Variants in SLIT3 observed in about 807,000 individuals in gnomAD.
SLIT3 encodes the protein slit homolog 3 protein.
SLIT3 carries 68 observed loss-of-function variants against 184.0 expected under a neutral mutation model. That is an observed-to-expected ratio of 0.37 (90% CI 0.30 to 0.45). The LOEUF (loss-of-function observed/expected upper bound fraction) is 0.45. SLIT3 is among the 20% of genes least tolerant of loss of function. The probability of loss-of-function intolerance (pLI) is 1.00; values close to 1 mark genes in which losing one functional copy is unlikely to be tolerated. For synonymous variants in SLIT3, 831 were observed against 828.6 expected (o/e 1.00, Z -0.05); for missense variants, 1,707 against 2,026.0 (o/e 0.84, Z 3.02).
chr5:169,287,184 C>T (rs1408736377), intron 1 of SLIT3, among the ~76,000 whole-genome samples: 1 of 152,152 alleles, frequency 6.6e-6, no homozygotes, highest in African/African-American at 2.4e-5. Context: ...AAGCAACTGG[C>T]CTTCCCATTT....
intron 26 of SLIT3, among the ~76,000 whole-genome samples, chr5:168,704,096 T>TA (rs374173615): frequency 3.6e-4 from 52 of 145,134 alleles, no homozygotes; most frequent in Middle Eastern, 7.4e-3. Context: ...GGGAGCTGAT[T>TA]AAAAAAAAAA....
chr5:168,779,942 C>T lies in SLIT3; in HGVS notation c.1152-5564G>A, dbSNP rs188214846. On this transcript the variant is annotated intron_variant, in intron 12 of 35. Transcript: ENST00000519560. ...TTGAAAAGCCCCATGGGGAGAAGAT[C>T]GCTGAGCCCCACTGTTAGCTACTGC... is the stretch of plus-strand genomic sequence containing the variant. Among the ~76,000 whole-genome samples the T allele has an allele frequency of 6.2e-4, 94 of 152,332 alleles. No homozygotes were observed. The East Asian group carries it at 0.013, about 22-fold the overall frequency.
intron 4 of SLIT3, among the ~76,000 whole-genome samples, chr5:168,977,330 C>T (rs1195109959): frequency 6.6e-6 from 1 of 152,176 alleles, no homozygotes; most frequent in Non-Finnish European, 1.5e-5. Flanking sequence ...CAAGGTCAGA[C>T]TCCAGTGAGA....
At chr5:169,092,462 AC>A (rs1759629292) in intron 4 of SLIT3, among the ~76,000 whole-genome samples, 1 of 151,790 alleles carries the variant, frequency 6.6e-6, no homozygotes, top group Non-Finnish European at 1.5e-5. Flanking sequence ...ATTTCTTGCT[AC>A]CGAAGTCTCA....
At chr5:169,032,164 C>T (rs183650978) in intron 4 of SLIT3, among the ~76,000 whole-genome samples, 4 of 152,138 alleles carry the variant, frequency 2.6e-5, no homozygotes, top group Admixed American at 1.3e-4. Flanking sequence ...CAGTGAAAGT[C>T]GACTGTAAAT....
At position 168,722,923 on chromosome 5, in the gene SLIT3, G is replaced by T. The variant is rs778726331; in HGVS notation, c.2411+10C>A. On this transcript the variant is annotated intron_variant, in intron 22 of 35. Transcript: ENST00000519560. ...AGGGCATGGTAAACACAGCATCTCA[G>T]TGTACTCACAGAGTGGAGAGGTGAG... 6.2e-7 allele frequency: 1 copy of T among 1,601,718 alleles called. No homozygotes were observed. Among genetic ancestry groups the T allele is most frequent in the Non-Finnish European group, 8.6e-7 (1 of 1,168,624 alleles).
chr5:169,008,195 A>G (rs1756002368), intron 4 of SLIT3, among the ~76,000 whole-genome samples: 1 of 152,242 alleles, frequency 6.6e-6, no homozygotes, highest in African/African-American at 2.4e-5. Flanking sequence ...AAAAGAAATC[A>G]TCTCTGGGAG....
At chr5:169,007,118 T>G (rs1042633027) in intron 4 of SLIT3, among the ~76,000 whole-genome samples, 1 of 152,182 alleles carries the variant, frequency 6.6e-6, no homozygotes, top group Non-Finnish European at 1.5e-5. Flanking sequence ...CTGATGGTTT[T>G]ATAGGGCAGT....
chr5:168,767,860 C>T (rs1458091195), intron 14 of SLIT3, among the ~76,000 whole-genome samples: 1 of 152,168 alleles, frequency 6.6e-6, no homozygotes, highest in Non-Finnish European at 1.5e-5. Flanking sequence ...GAAGAAGAGA[C>T]ACAGTAGTTT....
chr5:168,853,530 C>G (rs1379193097), intron 5 of SLIT3, among the ~76,000 whole-genome samples: 3 of 152,336 alleles, frequency 2.0e-5, no homozygotes, highest in East Asian at 3.9e-4. Context: ...ACAAAACCAT[C>G]ACAACCATGA....
Position 169,300,369 on chromosome 5 carries a change from G to A in SLIT3, c.197+144C>T. The A allele has an allele frequency of 2.7e-6, 3 of 1,111,772 alleles. No individual in the cohort carries two copies. Among genetic ancestry groups the A allele is most frequent in the South Asian group, 4.5e-5 (2 of 44,396 alleles). The allele number at this position is 1,111,772 out of a possible 1,614,324, so 68.9% of individuals were successfully genotyped here. On this transcript the variant is annotated intron_variant, in intron 1 of 35. Coordinates refer to ENST00000519560, the MANE Select transcript of SLIT3 (RefSeq NM_003062.4). This position sits in a 1 kb window ranked among gnomAD's most constrained non-coding sequence, Gnocchi z 4.1. ...ACCAAGCCTACAGACCCCCAGCTCGGAGAGTGAGGGATCGTATCCAGGAAG... is the reference window on the plus strand; with the variant it reads ...ACCAAGCCTACAGACCCCCAGCTCGAAGAGTGAGGGATCGTATCCAGGAAG...
intron 4 of SLIT3, among the ~76,000 whole-genome samples, chr5:168,966,212 C>T (rs1659326833): frequency 6.6e-6 from 1 of 152,080 alleles, no homozygotes; most frequent in Non-Finnish European, 1.5e-5. Flanking sequence ...TGTAAGTCTC[C>T]CCAGGTGAGC....
chr5:168,828,018 T>C (rs1172238753), intron 6 of SLIT3, among the ~76,000 whole-genome samples: 1 of 152,232 alleles, frequency 6.6e-6, no homozygotes, highest in Non-Finnish European at 1.5e-5. Context: ...AACCATCCTG[T>C]CTCTGCCTTT....
intron 1 of SLIT3, among the ~76,000 whole-genome samples, chr5:169,277,335 A>G (rs1262444481): frequency 1.3e-5 from 2 of 152,052 alleles, no homozygotes; most frequent in African/African-American, 4.8e-5. Context: ...GGCTCAGGTG[A>G]TCCTCCCACC....
Position 168,892,043 on chromosome 5 carries a change from C to T in SLIT3, c.414-8707G>A, listed in dbSNP as rs150306286. On this transcript the variant is annotated intron_variant, in intron 4 of 35. Coordinates refer to ENST00000519560, the MANE Select transcript of SLIT3 (RefSeq NM_003062.4). ...TGACCAGTGAGGATGCAGAGACTGT[C>T]ACCTCCTCAGGGGCGATCTGCTAAT... is the stretch of plus-strand genomic sequence containing the variant. Among the ~76,000 whole-genome samples, 59 of 152,318 alleles carry T rather than the reference C, an allele frequency of 3.9e-4. 1 individual carries two copies. The highest frequency in any genetic ancestry group is 1.3e-3 in the African/African-American group (56 of 41,584).
chr5:169,108,788 G>C (rs749111554), intron 4 of SLIT3, among the ~76,000 whole-genome samples: 1 of 152,174 alleles, frequency 6.6e-6, no homozygotes, highest in Non-Finnish European at 1.5e-5. Flanking sequence ...GAAGCTCCAA[G>C]AGGGTGGATG....
intron 18 of SLIT3, among the ~76,000 whole-genome samples, chr5:168,751,971 C>T (rs1754732327): frequency 6.6e-6 from 1 of 152,178 alleles, no homozygotes; most frequent in Non-Finnish European, 1.5e-5. Flanking sequence ...AATCTCTTGA[C>T]CTTGTGATCC....
At chr5:169,148,862 T>G (rs1322981049) in intron 4 of SLIT3, among the ~76,000 whole-genome samples, 1 of 149,586 alleles carries the variant, frequency 6.7e-6, no homozygotes, top group Admixed American at 6.6e-5. Context: ...TCGGTGATGT[T>G]TGTGACTAAC....
At chr5:168,774,515 A>T (rs1377997345) in intron 12 of SLIT3, 137 bp from the exon 13 acceptor site, 1 of 933,162 alleles carries the variant, frequency 1.1e-6, no homozygotes, top group Non-Finnish European at 1.6e-6. Flanking sequence ...GCAGAACAGA[A>T]AAAGAGAGAG....
Sources: allele counts gnomAD v4.1 joint callset (sites outside exome capture counted in the v4.1 genomes callset), GRCh38; gene constraint gnomAD v4.1.1; non-coding constraint Gnocchi (gnomAD v3.1); transcripts MANE v1.5; gene names NCBI Gene and HGNC (gene_info 2026-07-23, HGNC 2026-07-21).